PSMD7: variants seen among roughly 807,000 people sequenced by gnomAD.
The protein encoded by PSMD7 is proteasome 26S subunit, non-ATPase 7, also known as 26S proteasome non-ATPase regulatory subunit 7.
In PSMD7, 13 loss-of-function variants were observed where a neutral mutation model predicts 36.4. The observed-to-expected ratio is 0.36, with a 90% CI of 0.23 to 0.57. The LOEUF is 0.57. PSMD7 is among the 20% of genes least tolerant of loss of function. The pLI, the probability that PSMD7 is intolerant of heterozygous loss-of-function variation, is 0.83. For synonymous variants in PSMD7, 186 were observed against 151.0 expected (o/e 1.23, Z -1.70); for missense variants, 298 against 393.6 (o/e 0.76, Z 2.06).
intron 3 of PSMD7, 53 bp downstream of exon 3, chr16:74,301,197 G>A (rs2034152536): frequency 8.1e-7 from 1 of 1,239,898 alleles, no homozygotes; most frequent in African/African-American, 1.5e-5. Context: ...TGTGTGTATG[G>A]GGGTCTTCTG....
In PSMD7 at chr16:74,305,772, A is replaced by ATCT. The variant is rs1306737339; in HGVS notation, c.*41_*43dup. 2.8e-6 allele frequency: 4 copies of ATCT among 1,410,686 alleles called. No individual in the cohort carries two copies. Among genetic ancestry groups the ATCT allele is most frequent in the South Asian group, 3.3e-5 (2 of 59,814 alleles). 87.4% of individuals were successfully genotyped at this position (1,410,686 alleles called of 1,614,324 possible). On this transcript the variant is annotated 3_prime_UTR_variant, in exon 7 of 7. Transcript: ENST00000219313. Reference sequence around the variant, plus strand: ...TAGCTTTTTTAATTTGTAAATTAAAATCTTACAAACTAAATCAGTGTGCTG... The same window carrying ATCT: ...TAGCTTTTTTAATTTGTAAATTAAAATCTTCTTACAAACTAAATCAGTGTGCTG...
At position 74,305,862 on chromosome 16, in the gene PSMD7, C is replaced by G. The variant is rs1309557750; in HGVS notation, c.*129C>G. On this transcript the variant is annotated 3_prime_UTR_variant, in exon 7 of 7. Transcript: ENST00000219313. ...CTGACCCAACAAGAGCTCTCTGCCT[C>G]CGGTCACTCTTGCTGTGGTGCTACG... 1 of 1,095,896 alleles carries G rather than the reference C, an allele frequency of 9.1e-7. No homozygotes were observed. Among genetic ancestry groups the G allele is most frequent in the Non-Finnish European group, 1.2e-6 (1 of 827,566 alleles). 67.9% of individuals were successfully genotyped at this position (1,095,896 alleles called of 1,614,324 possible). A position where few individuals can be genotyped will look rare whatever the true frequency, so the allele number is the denominator to read the frequency against.
intron 3 of PSMD7, 131 bp from the exon 4 acceptor site, chr16:74,301,424 C>T: frequency 2.9e-6 from 2 of 678,904 alleles, no homozygotes; most frequent in Non-Finnish European, 5.0e-6. Flanking sequence ...AGTTTTAGTA[C>T]CACCAGGGTA....
intron 2 of PSMD7, 36 bp from the exon 3 acceptor site, chr16:74,301,016 C>T: frequency 7.5e-7 from 1 of 1,340,480 alleles, no homozygotes. Flanking sequence ...AGGTTTCTAT[C>T]AAGCACCCTA....
intron 6 of PSMD7, 178 bp downstream of exon 6, chr16:74,304,572 T>C (rs1022506031): frequency 2.0e-5 from 11 of 540,908 alleles, no homozygotes; most frequent in Admixed American, 3.2e-5. Context: ...TGTCTGTAAA[T>C]TGAAGTGTTT....
intron 1 of PSMD7, among the ~76,000 whole-genome samples, chr16:74,298,164 A>AG (rs1156837856): frequency 6.6e-6 from 1 of 151,482 alleles, no homozygotes; most frequent in Admixed American, 6.6e-5. Context: ...TCCAAAAAAA[A>AG]AAAAAAAAAA....
rs769686357 is a variant in PSMD7, at chr16:74,296,891, G to T, written c.-24G>T. ...GTGTTTGCGTGTGGCAGGGAGCCAG[G>T]CCTGGCGAGCGGGGTGTGTCGCGAT... On this transcript the variant is annotated 5_prime_UTR_variant, in exon 1 of 7. Coordinates refer to ENST00000219313, the MANE Select transcript of PSMD7 (RefSeq NM_002811.5). 5.1e-5 allele frequency: 82 copies of T among 1,611,900 alleles called. No homozygotes were observed. The highest frequency in any genetic ancestry group is 6.7e-5 in the Non-Finnish European group (79 of 1,179,448).
chr16:74,297,168 C>T (rs2034119864), intron 1 of PSMD7, among the ~76,000 whole-genome samples, 180 bp downstream of exon 1: 1 of 152,262 alleles, frequency 6.6e-6, no homozygotes, highest in South Asian at 2.1e-4. Flanking sequence ...CAGCCTCCCG[C>T]CCCTGCCCCA....
chr16:74,301,720 C>A, intron 4 of PSMD7, 68 bp downstream of exon 4: 1 of 1,322,710 alleles, frequency 7.6e-7, no homozygotes, highest in Non-Finnish European at 1.1e-6. Flanking sequence ...TAAGAGCATC[C>A]TGGGAAGAAT....
At chr16:74,298,647 G>A (rs1258161183) in intron 1 of PSMD7, among the ~76,000 whole-genome samples, 1 of 152,092 alleles carries the variant, frequency 6.6e-6, no homozygotes, top group Non-Finnish European at 1.5e-5. Flanking sequence ...CGGATTGCTT[G>A]AGCTTAGGAG....
intron 1 of PSMD7, among the ~76,000 whole-genome samples, chr16:74,297,568 C>G (rs1270943797): frequency 6.6e-6 from 1 of 151,864 alleles, no homozygotes; most frequent in Non-Finnish European, 1.5e-5. Flanking sequence ...AGCCCCGCCC[C>G]AAGGCTATGT....
chr16:74,298,357 A>G (rs1042379543), intron 1 of PSMD7, among the ~76,000 whole-genome samples: 2 of 152,184 alleles, frequency 1.3e-5, no homozygotes, highest in Admixed American at 6.5e-5. Context: ...TGGCAAATGT[A>G]AAGACCCAGT....
At position 74,301,652 on chromosome 16, in the gene PSMD7, C is replaced by T. The variant is rs756550965; in HGVS notation, c.357C>T (p.Ser119=). The part of the protein sequence containing the change: ...NELMKRYCPN[S]VLVIIDVKPK... Reference sequence around the variant, plus strand: ...TCATGAAAAGATACTGTCCTAATTCCGTAAGTGGTGTCTATTTTTAAAACT... The same window carrying T: ...TCATGAAAAGATACTGTCCTAATTCTGTAAGTGGTGTCTATTTTTAAAACT... Residue 119 remains serine (S), a splice_region_variant and synonymous_variant, in exon 4 of 7, where the codon TCC becomes TCT. Transcript: ENST00000219313. The T allele has an allele frequency of 5.6e-6, 9 of 1,605,244 alleles. No individual in the cohort carries two copies. Among genetic ancestry groups the T allele is most frequent in the East Asian group, 2.2e-5 (1 of 44,814 alleles).
At chr16:74,297,041 G>C in intron 1 of PSMD7, 53 bp downstream of exon 1, 1 of 1,578,824 alleles carries the variant, frequency 6.3e-7, no homozygotes, top group Non-Finnish European at 8.6e-7. Flanking sequence ...CTGAGTCACG[G>C]GCACGCTGGA....
intron 5 of PSMD7, among the ~76,000 whole-genome samples, chr16:74,302,802 C>A (rs747996987): frequency 2.6e-5 from 4 of 152,190 alleles, no homozygotes; most frequent in African/African-American, 9.7e-5. Context: ...GGATGAATTA[C>A]GGTCTCCTTT....
intron 1 of PSMD7, 107 bp downstream of exon 1, chr16:74,297,095 G>A (rs1567524378): frequency 1.6e-6 from 2 of 1,217,480 alleles, no homozygotes; most frequent in Non-Finnish European, 2.4e-6. Flanking sequence ...CAGATAGGGC[G>A]GCTGGTGACC....
intron 5 of PSMD7, among the ~76,000 whole-genome samples, chr16:74,303,749 T>C (rs987190098): frequency 3.3e-5 from 5 of 151,834 alleles, no homozygotes; most frequent in African/African-American, 1.2e-4. Flanking sequence ...TTTAAGACAA[T>C]CTCACTCTGT....
chr16:74,304,271 A>G, intron 5 of PSMD7, 32 bp from the exon 6 acceptor site: 3 of 1,592,332 alleles, frequency 1.9e-6, no homozygotes, highest in Non-Finnish European at 2.6e-6. Context: ...TTTGTGGAAA[A>G]TAAATAATTA....
chr16:74,305,098 A>G (rs1264541681), intron 6 of PSMD7, 191 bp from the exon 7 acceptor site: 44 of 726,424 alleles, frequency 6.1e-5, no homozygotes, highest in Middle Eastern at 3.1e-4. Context: ...GAAAGATAAA[A>G]TGTGTTCCAA....
Sources: gnomAD v4.1 joint callset for allele counts (sites outside exome capture counted in the v4.1 genomes callset) on GRCh38, gnomAD v4.1.1 for gene constraint, MANE v1.5 for transcripts, NCBI Gene and HGNC (gene_info 2026-07-23, HGNC 2026-07-21) for gene names.